Variants in ERBB4 observed in about 807,000 individuals in gnomAD.
ERBB4 encodes the protein erb-b2 receptor tyrosine kinase 4, also known as receptor tyrosine-protein kinase erbB-4.
Under a neutral mutation model 158.0 loss-of-function variants are expected in ERBB4, and 42 were observed. The observed-to-expected ratio is 0.27, with a 90% CI of 0.21 to 0.34. The LOEUF (loss-of-function observed/expected upper bound fraction) is 0.34, where lower values mean the gene tolerates loss of function less well. Ranked by LOEUF, ERBB4 falls within the 10% of genes least tolerant of loss-of-function variation. ERBB4 has a pLI of 1.00. For missense variants in ERBB4, 1,333 were observed against 1,624.1 expected, an observed-to-expected ratio of 0.82 and a Z score of 3.08; for synonymous variants, 583 against 558.7, an observed-to-expected ratio of 1.04 and a Z score of -0.61.
At chr2:211,419,265 G>A (rs763034340) in intron 25 of ERBB4, among the ~76,000 whole-genome samples, 16 of 151,750 alleles carry the variant, frequency 1.1e-4, no homozygotes, top group Non-Finnish European at 1.5e-4. Flanking sequence ...TGAAAGAAGG[G>A]GATGATAATA....
At chr2:212,030,863 C>A (rs188078366) in intron 2 of ERBB4, among the ~76,000 whole-genome samples, 1 of 152,142 alleles carries the variant, frequency 6.6e-6, no homozygotes, top group Non-Finnish European at 1.5e-5. Flanking sequence ...TGAAATTGAG[C>A]CAGCCGTCAT....
intron 1 of ERBB4, among the ~76,000 whole-genome samples, chr2:212,489,722 C>CAT (rs35013848): frequency 0.014 from 2,032 of 149,694 alleles, 40 homozygotes; most frequent in African/African-American, 0.045. Flanking sequence ...AAAATATATA[C>CAT]ATATATATAT....
chr2:211,872,432 T>G (rs759497028), intron 3 of ERBB4, among the ~76,000 whole-genome samples: 2 of 152,186 alleles, frequency 1.3e-5, no homozygotes, highest in African/African-American at 2.4e-5. Context: ...CTTTTCAATT[T>G]TTCTTGAGAA....
chr2:211,422,233 C>T (rs1469412929), intron 23 of ERBB4, 129 bp from the exon 24 acceptor site: 1 of 632,448 alleles, frequency 1.6e-6, no homozygotes, highest in Admixed American at 2.2e-5. Flanking sequence ...AGAAAGAAAG[C>T]AAGCTAGTGA....
intron 2 of ERBB4, among the ~76,000 whole-genome samples, chr2:212,050,849 T>A (rs1173629715): frequency 6.6e-6 from 1 of 152,166 alleles, no homozygotes; most frequent in East Asian, 1.9e-4. Context: ...GATTCTTAAA[T>A]AATGCAGGCA....
intron 1 of ERBB4, among the ~76,000 whole-genome samples, chr2:212,292,021 C>A (rs112317063): frequency 0.024 from 3,636 of 151,844 alleles, 60 homozygotes; most frequent in Non-Finnish European, 0.037. Context: ...TGACTATAAT[C>A]CTTAATGCCT....
intron 20 of ERBB4, among the ~76,000 whole-genome samples, chr2:211,539,542 T>C (rs995785227): frequency 7.9e-5 from 12 of 152,028 alleles, no homozygotes; most frequent in Non-Finnish European, 1.3e-4. Context: ...ATTCTGCATT[T>C]TTAAAATAAA....
intron 17 of ERBB4, among the ~76,000 whole-genome samples, chr2:211,626,938 A>G (rs1168454069): frequency 1.0e-5 from 1 of 96,938 alleles, no homozygotes; most frequent in Non-Finnish European, 2.0e-5. Flanking sequence ...AAATAAAAAT[A>G]AAAATAAATA....
chr2:212,175,612 T>TC (rs145719375), intron 1 of ERBB4, among the ~76,000 whole-genome samples: 4 of 150,156 alleles, frequency 2.7e-5, no homozygotes, highest in African/African-American at 9.7e-5. Flanking sequence ...TATGTATTTT[T>TC]TTTTTTTTTT....
At chr2:212,374,559 T>C (rs911102578) in intron 1 of ERBB4, among the ~76,000 whole-genome samples, 2 of 151,880 alleles carry the variant, frequency 1.3e-5, no homozygotes, top group Non-Finnish European at 2.9e-5. Context: ...ATCATTCATG[T>C]TTTTAGAAGG....
At chr2:211,424,043 G>T in intron 23 of ERBB4, 112 bp downstream of exon 23, 1 of 1,063,206 alleles carries the variant, frequency 9.4e-7, no homozygotes, top group Non-Finnish European at 1.5e-6. Context: ...TTTCATAATT[G>T]TTTTTGAACT....
At chr2:212,243,370 G>A (rs1029788489) in intron 1 of ERBB4, among the ~76,000 whole-genome samples, 3 of 152,126 alleles carry the variant, frequency 2.0e-5, no homozygotes, top group Non-Finnish European at 2.9e-5. Context: ...GTAATTCTGT[G>A]AGATAAGAAG....
At chr2:211,987,983 G>A (rs1247930932) in intron 2 of ERBB4, among the ~76,000 whole-genome samples, 1 of 152,072 alleles carries the variant, frequency 6.6e-6, no homozygotes, top group Non-Finnish European at 1.5e-5. Flanking sequence ...TTTCTCAAGT[G>A]ACATTACAAA....
intron 1 of ERBB4, among the ~76,000 whole-genome samples, chr2:212,128,755 C>A (rs376553665): frequency 8.5e-5 from 13 of 152,072 alleles, no homozygotes; most frequent in African/African-American, 2.7e-4. Flanking sequence ...CTAACCATAA[C>A]GACATTTTAT....
chr2:212,524,622 A>G (rs16848751), intron 1 of ERBB4, among the ~76,000 whole-genome samples: 62,341 of 151,776 alleles, frequency 0.41, 14,803 homozygotes, highest in African/African-American at 0.67. Flanking sequence ...CCTCACTCAT[A>G]TGATTTTCTC....
At position 211,382,238 on chromosome 2, in the gene ERBB4, T is replaced by C. The variant is rs2062585291; in HGVS notation, c.*1377A>G. 8.6e-6 allele frequency: 2 copies of C among 231,578 alleles called. No homozygotes were observed. Among genetic ancestry groups the C allele is most frequent in the African/African-American group, 4.4e-5 (2 of 45,254 alleles). The allele number at this position is 231,578 out of a possible 1,614,324, so 14.3% of individuals were successfully genotyped here. On this transcript the variant is annotated 3_prime_UTR_variant, in exon 28 of 28. Coordinates refer to ENST00000342788, the MANE Select transcript of ERBB4 (RefSeq NM_005235.3). ...AAATAGTCTCATACTAGAAATTCCATGGAATTCAAGCCAATCCTTACTCGC... is the reference window on the plus strand; with the variant it reads ...AAATAGTCTCATACTAGAAATTCCACGGAATTCAAGCCAATCCTTACTCGC...
intron 2 of ERBB4, among the ~76,000 whole-genome samples, chr2:212,103,172 C>T (rs528873411): frequency 6.6e-6 from 1 of 152,200 alleles, no homozygotes; most frequent in East Asian, 1.9e-4. Flanking sequence ...ACCTAACTTC[C>T]TCCTGCCCCA....
intron 19 of ERBB4, among the ~76,000 whole-genome samples, chr2:211,588,882 C>T (rs905258306): frequency 7.2e-5 from 11 of 152,126 alleles, no homozygotes; most frequent in Non-Finnish European, 1.5e-4. Flanking sequence ...ATCTTGGGCA[C>T]ATGTCCTTCT....
intron 3 of ERBB4, among the ~76,000 whole-genome samples, chr2:211,864,953 T>A (rs776558933): frequency 6.6e-6 from 1 of 152,034 alleles, no homozygotes; most frequent in African/African-American, 2.4e-5. Context: ...AGAGGTTGCA[T>A]TGAGCCAAGA....
Sources: gnomAD v4.1 joint callset for allele counts (sites outside exome capture counted in the v4.1 genomes callset) on GRCh38, gnomAD v4.1.1 for gene constraint, MANE v1.5 for transcripts, NCBI Gene and HGNC (gene_info 2026-07-23, HGNC 2026-07-21) for gene names.